The following EDAR variants were observed in gnomAD, a reference collection of about 807,000 sequenced individuals.
EDAR encodes ectodysplasin A receptor, also known as tumor necrosis factor receptor superfamily member EDAR.
In EDAR, 38 loss-of-function variants were observed where a neutral mutation model predicts 51.3. The observed-to-expected ratio is 0.74, with a 90% CI of 0.57 to 0.97. The LOEUF (loss-of-function observed/expected upper bound fraction) is 0.97. Ranked by LOEUF, EDAR falls within the 50% of genes least tolerant of loss-of-function variation. The pLI, the probability that EDAR is intolerant of heterozygous loss-of-function variation, is 0.00. For synonymous variants in EDAR, 227 were observed against 242.1 expected (o/e 0.94, Z 0.58); for missense variants, 528 against 595.0 (o/e 0.89, Z 1.17).
intron 4 of EDAR, among the ~76,000 whole-genome samples, chr2:108,926,101 G>T (rs538967666): frequency 1.1e-4 from 17 of 152,268 alleles, no homozygotes; most frequent in Non-Finnish European, 1.5e-4. Context: ...TCACCGCCTG[G>T]CTTACACCTG....
chr2:108,978,958 C>T (rs558604558), intron 1 of EDAR, among the ~76,000 whole-genome samples: 26 of 152,288 alleles, frequency 1.7e-4, no homozygotes, highest in Non-Finnish European at 2.6e-4. Context: ...ACCATTAACC[C>T]GGGAAAGTTC....
chr2:108,904,661 A>G (rs1456729411), intron 11 of EDAR, among the ~76,000 whole-genome samples: 5 of 152,256 alleles, frequency 3.3e-5, no homozygotes, highest in African/African-American at 1.2e-4. Flanking sequence ...GATACATGCA[A>G]CAACCTGGAT....
chr2:108,953,390 T>G (rs892534674), intron 1 of EDAR, among the ~76,000 whole-genome samples: 3 of 152,174 alleles, frequency 2.0e-5, no homozygotes, highest in Non-Finnish European at 2.9e-5. Flanking sequence ...TTCCACAAAT[T>G]GTAGATACTT....
intron 5 of EDAR, among the ~76,000 whole-genome samples, chr2:108,915,407 A>G (rs1697007922): frequency 6.6e-6 from 1 of 152,288 alleles, no homozygotes; most frequent in East Asian, 1.9e-4. Context: ...CCAATGAAAC[A>G]TTGGGCTTGG....
intron 4 of EDAR, among the ~76,000 whole-genome samples, chr2:108,923,864 C>T (rs983020846): frequency 1.3e-5 from 2 of 152,368 alleles, no homozygotes; most frequent in South Asian, 2.1e-4. Context: ...AGCACCCTCC[C>T]CAGAGCCTGC....
chr2:108,932,519 ACT>A (rs1255001071), intron 1 of EDAR, among the ~76,000 whole-genome samples: 1 of 132,742 alleles, frequency 7.5e-6, no homozygotes, highest in Admixed American at 8.1e-5. Context: ...ACAGAGTGAG[ACT>A]CTGTCTCAAA....
At position 108,896,560 on chromosome 2, in the gene EDAR, T is replaced by G; in HGVS notation, c.*347A>C. ...CTCCTTAAAGACAGGGACCAGATTC[T>G]TCACTTCTGTCATTCCCACGGGGTT... On this transcript the variant is annotated 3_prime_UTR_variant, in exon 12 of 12. Coordinates refer to ENST00000258443, the MANE Select transcript of EDAR (RefSeq NM_022336.4). 1 of 258,140 alleles carries G rather than the reference T, an allele frequency of 3.9e-6. No homozygotes were observed. Among genetic ancestry groups the G allele is most frequent in the Non-Finnish European group, 7.5e-6 (1 of 132,648 alleles). 16.0% of individuals were successfully genotyped at this position (258,140 alleles called of 1,614,324 possible).
Position 108,903,225 on chromosome 2 carries a change from G to GA in EDAR, c.1024+3082dup, listed in dbSNP as rs1485016062. 2.6e-5 allele frequency among the ~76,000 whole-genome samples: 4 copies of GA among 151,906 alleles called. No homozygotes were observed. The South Asian group carries it at 8.3e-4, about 32-fold the overall frequency. ...ATTTCGGAAGCTACACAATGCAGATGAAAAAAAATTAAAGTTGTGCTAAAT... is the reference window on the plus strand; with the variant it reads ...ATTTCGGAAGCTACACAATGCAGATGAAAAAAAAATTAAAGTTGTGCTAAAT... On this transcript the variant is annotated intron_variant, in intron 11 of 11. Transcript: ENST00000258443.
intron 5 of EDAR, among the ~76,000 whole-genome samples, chr2:108,921,977 G>A (rs1015932276): frequency 3.9e-5 from 6 of 152,246 alleles, no homozygotes; most frequent in Admixed American, 3.3e-4. Flanking sequence ...GGGGGTGGGA[G>A]TGGGGTGCGC....
chr2:108,948,617 G>A (rs1697760911), intron 1 of EDAR, among the ~76,000 whole-genome samples: 2 of 151,678 alleles, frequency 1.3e-5, no homozygotes, highest in Admixed American at 1.3e-4. Context: ...ATGGTGGCAG[G>A]AGAGAGAGAG....
chr2:108,925,703 C>T (rs956299571), intron 4 of EDAR, among the ~76,000 whole-genome samples: 3 of 152,112 alleles, frequency 2.0e-5, no homozygotes, highest in Admixed American at 1.3e-4. Flanking sequence ...CCGCAACTTC[C>T]GCCTCCCAGG....
rs1696600838 is a variant in EDAR at position 108,896,733 on chromosome 2, T to C, written c.*174A>G. The C allele has an allele frequency of 6.2e-6, 4 of 641,598 alleles. No homozygotes were observed. The highest frequency in any genetic ancestry group is 1.1e-5 in the Non-Finnish European group (4 of 374,658). 39.7% of individuals were successfully genotyped at this position (641,598 alleles called of 1,614,324 possible). ...GTATCCCGGCTCTAGTCCTTTATCT[T>C]TGGTTAAATTGGAAGACAGGCCTTA... On this transcript the variant is annotated 3_prime_UTR_variant, in exon 12 of 12. Coordinates refer to ENST00000258443, the MANE Select transcript of EDAR (RefSeq NM_022336.4).
intron 1 of EDAR, among the ~76,000 whole-genome samples, chr2:108,973,039 T>A (rs1698263723): frequency 6.6e-6 from 1 of 152,186 alleles, no homozygotes; most frequent in African/African-American, 2.4e-5. Context: ...CAGGCTAGAC[T>A]GCAGTGGCGC....
chr2:108,954,586 G>A (rs569858672), intron 1 of EDAR, among the ~76,000 whole-genome samples: 1 of 152,228 alleles, frequency 6.6e-6, no homozygotes, highest in Admixed American at 6.5e-5. Context: ...TGCCTGGTAT[G>A]TATGGTCCCT....
At chr2:108,953,041 A>G (rs1210006162) in intron 1 of EDAR, among the ~76,000 whole-genome samples, 1 of 152,148 alleles carries the variant, frequency 6.6e-6, no homozygotes, top group Admixed American at 6.5e-5. Context: ...TATGTGGTAC[A>G]TGAGATATTT....
chr2:108,983,716 G>A (rs78676234), intron 1 of EDAR, among the ~76,000 whole-genome samples: 17 of 152,200 alleles, frequency 1.1e-4, no homozygotes, highest in Non-Finnish European at 1.6e-4. Context: ...TGGTGGCTCC[G>A]TGCGGGACGG....
At chr2:108,974,204 C>T (rs1698283080) in intron 1 of EDAR, among the ~76,000 whole-genome samples, 1 of 151,476 alleles carries the variant, frequency 6.6e-6, no homozygotes, top group Admixed American at 6.6e-5. Context: ...GTGGCAGGCG[C>T]CTGTAGTCCC....
intron 1 of EDAR, among the ~76,000 whole-genome samples, chr2:108,988,100 G>T (rs573955191): frequency 1.3e-5 from 2 of 152,192 alleles, no homozygotes; most frequent in Non-Finnish European, 2.9e-5. Context: ...CCTCACATGC[G>T]TGTACCCCTG....
At chr2:108,934,339 C>T (rs1355486645) in intron 1 of EDAR, among the ~76,000 whole-genome samples, 2 of 152,128 alleles carry the variant, frequency 1.3e-5, no homozygotes, top group Non-Finnish European at 2.9e-5. Context: ...GGGGGGCTGA[C>T]GGCTCCCAGT....
Sources: gnomAD v4.1 joint callset for allele counts (sites outside exome capture counted in the v4.1 genomes callset) on GRCh38, gnomAD v4.1.1 for gene constraint, MANE v1.5 for transcripts, NCBI Gene and HGNC (gene_info 2026-07-23, HGNC 2026-07-21) for gene names.